Variants in MAGI2 observed in about 807,000 individuals in gnomAD.
The protein encoded by MAGI2 is membrane associated guanylate kinase, WW and PDZ domain containing 2, also known as membrane-associated guanylate kinase, WW and PDZ domain-containing protein 2.
A neutral mutation model predicts 133.3 loss-of-function variants in MAGI2; 35 were observed. The ratio of observed to expected loss-of-function variants is 0.26; its 90% CI spans 0.20 to 0.35. The LOEUF is 0.35. MAGI2 is among the 10% of genes least tolerant of loss of function. The pLI is 1.00. For synonymous variants in MAGI2, 729 were observed against 710.6 expected, an observed-to-expected ratio of 1.03 and a Z score of -0.41; for missense variants, 1,636 against 1,863.4, an observed-to-expected ratio of 0.88 and a Z score of 2.25.
intron 6 of MAGI2, chr7:78,485,561 T>C (rs190133740): frequency 6.6e-6 from 1 of 152,032 alleles, no homozygotes; most frequent in Non-Finnish European, 1.5e-5. Context: ...AAAACTTTTG[T>C]TAGTTTTTTC....
chr7:79,437,876 A>G (rs1848250080), intron 1 of MAGI2, among the ~76,000 whole-genome samples: 1 of 152,158 alleles, frequency 6.6e-6, no homozygotes, highest in African/African-American at 2.4e-5. Flanking sequence ...ATATATGATG[A>G]ATCAATTCCA....
intron 2 of MAGI2, among the ~76,000 whole-genome samples, chr7:79,005,007 G>C (rs1053997782): frequency 4.0e-5 from 6 of 151,758 alleles, no homozygotes; most frequent in African/African-American, 1.2e-4. Context: ...GCTTGAACCT[G>C]GGAGGCAGAG....
chr7:78,090,854 A>G (rs1290846728), intron 20 of MAGI2, among the ~76,000 whole-genome samples: 1 of 152,246 alleles, frequency 6.6e-6, no homozygotes, highest in Non-Finnish European at 1.5e-5. Flanking sequence ...CTTTGTTGGC[A>G]TAACTGGCTG....
intron 1 of MAGI2, among the ~76,000 whole-genome samples, chr7:79,186,501 A>G (rs1827155798): frequency 1.3e-5 from 2 of 148,918 alleles, no homozygotes; most frequent in East Asian, 2.0e-4. Flanking sequence ...GTAGATTTGC[A>G]TGGTTGTGTT....
chr7:78,560,012 G>A (rs1800244773), intron 3 of MAGI2, among the ~76,000 whole-genome samples: 1 of 151,988 alleles, frequency 6.6e-6, no homozygotes, highest in Non-Finnish European at 1.5e-5. Flanking sequence ...CAGACAAAAG[G>A]AAATATTCAC....
intron 16 of MAGI2, among the ~76,000 whole-genome samples, chr7:78,151,916 G>A (rs1823910862): frequency 6.6e-6 from 1 of 152,052 alleles, no homozygotes; most frequent in Non-Finnish European, 1.5e-5. Context: ...TGTATGAGAA[G>A]CATACAGCCC....
intron 6 of MAGI2, among the ~76,000 whole-genome samples, chr7:78,415,247 T>A (rs1798194089): frequency 6.6e-6 from 1 of 152,016 alleles, no homozygotes; most frequent in Non-Finnish European, 1.5e-5. Flanking sequence ...ACCTATAGAG[T>A]TGTATAAATT....
chr7:78,063,425 A>G (rs909995823), intron 21 of MAGI2, among the ~76,000 whole-genome samples: 3 of 152,020 alleles, frequency 2.0e-5, no homozygotes, highest in East Asian at 1.9e-4. Flanking sequence ...ATTTTTTTGT[A>G]TAGATAAGGC....
chr7:78,634,924 A>G (rs1253707611), intron 2 of MAGI2, among the ~76,000 whole-genome samples: 3 of 152,128 alleles, frequency 2.0e-5, no homozygotes, highest in Non-Finnish European at 2.9e-5. Context: ...TATATATTTT[A>G]TTCTTATTAT....
chr7:78,420,817 C>A (rs1798727080), intron 6 of MAGI2, among the ~76,000 whole-genome samples: 1 of 151,918 alleles, frequency 6.6e-6, no homozygotes, highest in Non-Finnish European at 1.5e-5. Flanking sequence ...ATTTGAGTAA[C>A]CAAAATGAGA....
At chr7:78,851,322 G>A (rs1467732310) in intron 2 of MAGI2, among the ~76,000 whole-genome samples, 1 of 152,014 alleles carries the variant, frequency 6.6e-6, no homozygotes, top group East Asian at 1.9e-4. Context: ...TAAGAGTACG[G>A]CAATATTAAT....
chr7:78,019,933 A>G lies in MAGI2; in HGVS notation c.3750T>C (p.Gly1250=), dbSNP rs763421239. The part of the protein sequence containing the change: ...PWSSPAAAAP[G]LPEVGVSLDD... ...CCAGGGAGACGCCTACTTCCGGCAG[A>G]CCTGGGGCGGCGGCAGCGGGAGAAC... Residue 1250 remains glycine (G), a synonymous_variant, in exon 22 of 22, where the codon GGT becomes GGC. Coordinates refer to ENST00000354212, the MANE Select transcript of MAGI2 (RefSeq NM_012301.4). The G allele has an allele frequency of 5.6e-6, 9 of 1,609,392 alleles. No homozygotes were observed. The highest frequency in any genetic ancestry group is 5.5e-5 in the South Asian group (5 of 90,240).
intron 1 of MAGI2, among the ~76,000 whole-genome samples, chr7:79,162,399 A>G (rs1188734273): frequency 2.0e-5 from 3 of 152,040 alleles, no homozygotes; most frequent in African/African-American, 7.2e-5. Context: ...CTCTGATGCT[A>G]AAACTATACA....
chr7:78,427,462 CAAG>C (rs1449478040), intron 6 of MAGI2, among the ~76,000 whole-genome samples: 1 of 151,920 alleles, frequency 6.6e-6, no homozygotes, highest in Non-Finnish European at 1.5e-5. Context: ...GACTTTAAGA[CAAG>C]AAGTGCTACT....
At chr7:79,274,501 G>A (rs1197853767) in intron 1 of MAGI2, among the ~76,000 whole-genome samples, 3 of 151,860 alleles carry the variant, frequency 2.0e-5, no homozygotes, top group Non-Finnish European at 4.4e-5. Context: ...ACCAGATTAG[G>A]AAATGTGGCC....
intron 1 of MAGI2, among the ~76,000 whole-genome samples, chr7:79,011,581 C>G (rs768472693): frequency 1.3e-5 from 2 of 152,060 alleles, no homozygotes; most frequent in Non-Finnish European, 2.9e-5. Context: ...AAACTTTTAT[C>G]AGTGTAAACT....
intron 6 of MAGI2, among the ~76,000 whole-genome samples, chr7:78,419,484 C>T (rs1434463346): frequency 6.6e-6 from 1 of 151,834 alleles, no homozygotes. Context: ...TCTACCCACC[C>T]AAATCTTTGA....
intron 1 of MAGI2, among the ~76,000 whole-genome samples, chr7:79,153,808 C>G (rs957339148): frequency 6.6e-6 from 1 of 152,122 alleles, no homozygotes; most frequent in African/African-American, 2.4e-5. Flanking sequence ...CAAAGCATCA[C>G]ATTAATGGAT....
intron 9 of MAGI2, among the ~76,000 whole-genome samples, chr7:78,278,904 TC>T (rs1795296222): frequency 2.0e-5 from 3 of 152,276 alleles, no homozygotes; most frequent in Admixed American, 2.0e-4. Flanking sequence ...AGACCAAAGC[TC>T]AAATTTTACT....
Sources: allele counts gnomAD v4.1 joint callset (sites outside exome capture counted in the v4.1 genomes callset), GRCh38; gene constraint gnomAD v4.1.1; transcripts MANE v1.5; gene names NCBI Gene and HGNC (gene_info 2026-07-23, HGNC 2026-07-21).